SCHIP1: variants seen among roughly 807,000 people sequenced by gnomAD.
SCHIP1 encodes the protein schwannomin interacting protein 1.
Under a neutral mutation model 29.7 loss-of-function variants are expected in SCHIP1, and 8 were observed. That is an observed-to-expected ratio of 0.27 (90% confidence interval 0.16 to 0.49). The LOEUF (loss-of-function observed/expected upper bound fraction) is 0.49, where lower values mean the gene tolerates loss of function less well. SCHIP1 is among the 20% of genes least tolerant of loss of function. SCHIP1 has a pLI of 0.99. For missense variants in SCHIP1, 193 were observed against 294.6 expected (o/e 0.66, Z 2.52); for synonymous variants, 76 against 94.9 (o/e 0.80, Z 1.16).
the SCHIP1 span, among the ~76,000 whole-genome samples, chr3:159,461,636 T>C: frequency 6.6e-6 from 1 of 151,134 alleles, no homozygotes; most frequent in Non-Finnish European, 1.5e-5. Context: ...AGTGCAGTGG[T>C]GCAATCTTGG....
the SCHIP1 span, among the ~76,000 whole-genome samples, chr3:159,427,895 T>C: frequency 6.6e-6 from 1 of 151,576 alleles, no homozygotes; most frequent in Non-Finnish European, 1.5e-5. Flanking sequence ...ACGCCGCATA[T>C]CTACAACTAT....
At chr3:159,818,122 G>A in the SCHIP1 span, among the ~76,000 whole-genome samples, 70 of 152,266 alleles carry the variant, frequency 4.6e-4, no homozygotes, top group African/African-American at 1.7e-3. Flanking sequence ...CAGGACAGGA[G>A]TGTGGATCGA....
At chr3:159,455,506 G>T in the SCHIP1 span, among the ~76,000 whole-genome samples, 2 of 152,196 alleles carry the variant, frequency 1.3e-5, no homozygotes, top group African/African-American at 4.8e-5. Flanking sequence ...AGTCAAGCAA[G>T]TGTCACAAAA....
At chr3:159,446,472 A>ATACAGCAATACAGTATTGTTGCAT in the SCHIP1 span, among the ~76,000 whole-genome samples, 119 of 104,384 alleles carry the variant, frequency 1.1e-3, 5 homozygotes, top group African/African-American at 4.3e-3. Context: ...TATTGTTGCA[A>ATACAGCAATACAGTATTGTTGCAT]TACAGCAATA....
intron 2 of SCHIP1, among the ~76,000 whole-genome samples, chr3:159,878,559 A>G (rs1716096786): frequency 6.6e-6 from 1 of 151,880 alleles, no homozygotes; most frequent in Admixed American, 6.6e-5. Flanking sequence ...CGGGCGAATC[A>G]CGAGGTCAGG....
At chr3:159,305,194 C>T in the SCHIP1 span, among the ~76,000 whole-genome samples, 1 of 152,212 alleles carries the variant, frequency 6.6e-6, no homozygotes, top group Non-Finnish European at 1.5e-5. Context: ...TGGCCCAGAG[C>T]CCTGCTGGGT....
At chr3:159,582,630 C>G in the SCHIP1 span, among the ~76,000 whole-genome samples, 94 of 152,092 alleles carry the variant, frequency 6.2e-4, no homozygotes, top group African/African-American at 2.2e-3. Context: ...ACTTAATAGA[C>G]TGCAGTATAA....
the SCHIP1 span, chr3:159,274,049 T>G: frequency 1.0e-6 from 1 of 982,808 alleles, no homozygotes; most frequent in South Asian, 4.7e-5. Context: ...AATGTTCATT[T>G]GAAAAAAATA....
the SCHIP1 span, among the ~76,000 whole-genome samples, chr3:159,579,852 T>C: frequency 6.6e-6 from 1 of 152,206 alleles, no homozygotes; most frequent in Admixed American, 6.5e-5. Flanking sequence ...TTCTTAAACA[T>C]TAACCTTGGA....
At chr3:159,452,925 T>C in the SCHIP1 span, among the ~76,000 whole-genome samples, 1 of 152,226 alleles carries the variant, frequency 6.6e-6, no homozygotes, top group Non-Finnish European at 1.5e-5. Context: ...TGGCAATAAA[T>C]TGCTAGAATT....
the SCHIP1 span, among the ~76,000 whole-genome samples, chr3:159,602,628 G>C: frequency 1.3e-5 from 2 of 151,774 alleles, no homozygotes; most frequent in Non-Finnish European, 2.9e-5. Context: ...AGAATTGCTT[G>C]ATCCTGGGAG....
the SCHIP1 span, among the ~76,000 whole-genome samples, chr3:159,532,249 A>G: frequency 6.6e-6 from 1 of 152,292 alleles, no homozygotes; most frequent in East Asian, 1.9e-4. Flanking sequence ...AATCATTGAC[A>G]TAAATATAAA....
At chr3:159,646,037 C>T in the SCHIP1 span, among the ~76,000 whole-genome samples, 3 of 152,044 alleles carry the variant, frequency 2.0e-5, no homozygotes, top group African/African-American at 2.4e-5. Flanking sequence ...AAAAATTGCT[C>T]CCAGGGGAGA....
At chr3:159,568,467 CT>C in the SCHIP1 span, among the ~76,000 whole-genome samples, 7 of 152,032 alleles carry the variant, frequency 4.6e-5, no homozygotes, top group Non-Finnish European at 1.5e-5. Flanking sequence ...TCCTACTTCA[CT>C]GAGAATTTTT....
chr3:159,299,208 G>T, the SCHIP1 span, among the ~76,000 whole-genome samples: 1 of 152,092 alleles, frequency 6.6e-6, no homozygotes, highest in Non-Finnish European at 1.5e-5. Context: ...GTATATGGGT[G>T]TGTATACTTT....
the SCHIP1 span, among the ~76,000 whole-genome samples, chr3:159,794,854 G>T: frequency 6.6e-6 from 1 of 152,112 alleles, no homozygotes; most frequent in African/African-American, 2.4e-5. Context: ...GAGGGGAAAG[G>T]CTCCTGGCAG....
the SCHIP1 span, among the ~76,000 whole-genome samples, chr3:159,409,596 C>G: frequency 3.3e-5 from 5 of 151,722 alleles, no homozygotes; most frequent in Non-Finnish European, 5.9e-5. Flanking sequence ...AATATCTTTA[C>G]AATGAAAACT....
chr3:159,306,960 T>C, the SCHIP1 span, among the ~76,000 whole-genome samples: 54 of 152,206 alleles, frequency 3.5e-4, no homozygotes, highest in South Asian at 1.0e-3. Context: ...ATAATACTAC[T>C]CTCGGGATTT....
the SCHIP1 span, among the ~76,000 whole-genome samples, chr3:159,705,373 G>A: frequency 6.6e-6 from 1 of 152,112 alleles, no homozygotes; most frequent in Non-Finnish European, 1.5e-5. Context: ...GAATAAAAGA[G>A]AATAAATGGT....
Sources: allele counts gnomAD v4.1 joint callset (sites outside exome capture counted in the v4.1 genomes callset), GRCh38; gene constraint gnomAD v4.1.1; transcripts MANE v1.5; gene names NCBI Gene and HGNC (gene_info 2026-07-23, HGNC 2026-07-21).